The following DSCAM variants were observed in gnomAD, a reference collection of about 807,000 sequenced individuals.
DSCAM encodes DS cell adhesion molecule, also known as cell adhesion molecule DSCAM.
A neutral mutation model predicts 217.7 loss-of-function variants in DSCAM; 47 were observed. That is an observed-to-expected ratio of 0.22 (90% CI 0.17 to 0.28). The LOEUF is 0.28. Among genes scored for constraint, DSCAM ranks in the 10% least tolerant of loss-of-function variants. The probability of loss-of-function intolerance (pLI) is 1.00; values close to 1 mark genes in which losing one functional copy is unlikely to be tolerated. For synonymous variants in DSCAM, 1,056 were observed against 1,015.3 expected (o/e 1.04, Z -0.76); for missense variants, 2,080 against 2,618.3 (o/e 0.79, Z 4.49).
chr21:40,332,288 T>G (rs894617488), intron 8 of DSCAM, among the ~76,000 whole-genome samples: 1 of 152,196 alleles, frequency 6.6e-6, no homozygotes. Context: ...ATACGAATTA[T>G]TCTTCTGAGA....
At chr21:40,693,444 G>C (rs1395614993) in intron 2 of DSCAM, among the ~76,000 whole-genome samples, 3 of 152,082 alleles carry the variant, frequency 2.0e-5, no homozygotes, top group Non-Finnish European at 2.9e-5. Flanking sequence ...TCTATACCAA[G>C]GGGCCAGAGT....
intron 3 of DSCAM, among the ~76,000 whole-genome samples, chr21:40,643,929 T>C (rs1681179025): frequency 6.6e-6 from 1 of 152,234 alleles, no homozygotes; most frequent in Non-Finnish European, 1.5e-5. Flanking sequence ...TGGATTTTGT[T>C]ACGGCAGCCT....
At chr21:40,681,555 G>A (rs1015935433) in intron 3 of DSCAM, among the ~76,000 whole-genome samples, 1 of 151,442 alleles carries the variant, frequency 6.6e-6, no homozygotes, top group African/African-American at 2.4e-5. Flanking sequence ...GTGTCCAGCA[G>A]GAGATGGAAA....
intron 1 of DSCAM, among the ~76,000 whole-genome samples, chr21:40,824,610 TCAC>T (rs2091953744): frequency 1.3e-5 from 2 of 152,060 alleles, no homozygotes; most frequent in Admixed American, 1.3e-4. Context: ...AGATTGGGTC[TCAC>T]CACGTTTTCC....
intron 3 of DSCAM, among the ~76,000 whole-genome samples, chr21:40,433,819 A>G (rs1297117860): frequency 6.6e-6 from 1 of 152,108 alleles, no homozygotes; most frequent in Non-Finnish European, 1.5e-5. Flanking sequence ...ACCTGAGGTG[A>G]TGACATCATC....
chr21:40,052,978 A>G (rs764320042), intron 29 of DSCAM, among the ~76,000 whole-genome samples: 1 of 152,108 alleles, frequency 6.6e-6, no homozygotes, highest in Non-Finnish European at 1.5e-5. Flanking sequence ...TTTGGCTAGG[A>G]TATACAGATT....
rs376342577 is a variant in DSCAM at position 40,145,998 on chromosome 21, ATATG to A, written c.3019-1271_3019-1268del. Among the ~76,000 whole-genome samples, 285 of 151,580 alleles carry A rather than the reference ATATG, an allele frequency of 1.9e-3. 1 individual carries two copies. The highest frequency in any genetic ancestry group is 6.5e-3 in the African/African-American group (268 of 41,078). ...CATGTGTATGTATGTATACATGTACATATGTATGTATATACATATACACGTACAC... is the reference window on the plus strand; with the variant it reads ...CATGTGTATGTATGTATACATGTACATATGTATATACATATACACGTACAC... On this transcript the variant is annotated intron_variant, in intron 16 of 32. Coordinates refer to ENST00000400454, the MANE Select transcript of DSCAM (RefSeq NM_001389.5).
At chr21:40,311,018 G>C (rs1042714812) in intron 9 of DSCAM, among the ~76,000 whole-genome samples, 1 of 152,006 alleles carries the variant, frequency 6.6e-6, no homozygotes, top group African/African-American at 2.4e-5. Context: ...TTGCTGGCAG[G>C]TAGATAAAAA....
At chr21:40,624,712 G>GA (rs1279609457) in intron 3 of DSCAM, among the ~76,000 whole-genome samples, 1 of 152,022 alleles carries the variant, frequency 6.6e-6, no homozygotes, top group East Asian at 1.9e-4. Context: ...GGCCAAAAAA[G>GA]AAAAAAGAAA....
chr21:40,584,879 C>T (rs1256837971), intron 3 of DSCAM, among the ~76,000 whole-genome samples: 1 of 152,144 alleles, frequency 6.6e-6, no homozygotes. Context: ...GAAAGTGGGG[C>T]CCAGTGGGAG....
At chr21:40,354,137 G>T (rs1186157212) in intron 4 of DSCAM, among the ~76,000 whole-genome samples, 8 of 152,052 alleles carry the variant, frequency 5.3e-5, no homozygotes, top group Non-Finnish European at 8.8e-5. Flanking sequence ...AAGACCTAGT[G>T]GTAGACAGAT....
chr21:40,164,666 G>A (rs2090574899), intron 16 of DSCAM, among the ~76,000 whole-genome samples: 2 of 152,106 alleles, frequency 1.3e-5, no homozygotes, highest in Admixed American at 1.3e-4. Context: ...GCTGGGTGTG[G>A]TGGCACATGC....
intron 20 of DSCAM, among the ~76,000 whole-genome samples, chr21:40,114,864 A>G (rs1180337143): frequency 6.6e-6 from 1 of 152,228 alleles, no homozygotes; most frequent in Non-Finnish European, 1.5e-5. Flanking sequence ...CCACAATGAG[A>G]TACCATCTCA....
At chr21:40,195,273 A>G (rs776080732) in intron 11 of DSCAM, among the ~76,000 whole-genome samples, 2 of 152,228 alleles carry the variant, frequency 1.3e-5, no homozygotes, top group Non-Finnish European at 2.9e-5. Flanking sequence ...GACTCTATCA[A>G]TAATGCAAAA....
At chr21:40,032,226 C>T (rs1478674016) in intron 32 of DSCAM, among the ~76,000 whole-genome samples, 1 of 152,172 alleles carries the variant, frequency 6.6e-6, no homozygotes, top group Admixed American at 6.5e-5. Context: ...ATCTTTGGAT[C>T]TCATGGATCG....
chr21:40,819,177 G>A (rs556750849), intron 1 of DSCAM, among the ~76,000 whole-genome samples: 4 of 152,104 alleles, frequency 2.6e-5, no homozygotes, highest in African/African-American at 9.7e-5. Flanking sequence ...GGTTAGAAAG[G>A]GTTAATATAA....
In DSCAM at chr21:40,220,588, T is replaced by C. The variant is rs114810903; in HGVS notation, c.2357-31350A>G. Among the ~76,000 whole-genome samples the C allele has an allele frequency of 4.4e-3, 666 of 152,330 alleles. 7 individuals are homozygous for C. The highest frequency in any genetic ancestry group is 0.015 in the African/African-American group (644 of 41,562). ...TAAAGAAATTTGATGTTATGCAAACTCTGCTATGATAAACTCTAACACTGT... is the reference window on the plus strand; with the variant it reads ...TAAAGAAATTTGATGTTATGCAAACCCTGCTATGATAAACTCTAACACTGT... On this transcript the variant is annotated intron_variant, in intron 11 of 32. Transcript: ENST00000400454.
intron 20 of DSCAM, among the ~76,000 whole-genome samples, chr21:40,095,095 C>A (rs964384730): frequency 6.6e-6 from 1 of 152,126 alleles, no homozygotes; most frequent in Admixed American, 6.5e-5. Flanking sequence ...GGAGGCCTCA[C>A]GATCACGGCA....
intron 32 of DSCAM, among the ~76,000 whole-genome samples, chr21:40,035,871 C>T (rs200154344): frequency 0.19 from 27,559 of 146,238 alleles, 3,356 homozygotes; most frequent in South Asian, 0.37. Context: ...TCACTCAAAA[C>T]CGCTCAACTA....
Sources: allele counts gnomAD v4.1 joint callset (sites outside exome capture counted in the v4.1 genomes callset), GRCh38; gene constraint gnomAD v4.1.1; transcripts MANE v1.5; gene names NCBI Gene and HGNC (gene_info 2026-07-23, HGNC 2026-07-21).